RALGPS1: variants seen among roughly 807,000 people sequenced by gnomAD.
RALGPS1 encodes ras-specific guanine nucleotide-releasing factor RalGPS1.
Under a neutral mutation model 78.8 loss-of-function variants are expected in RALGPS1, and 19 were observed. The observed-to-expected ratio is 0.24, with a 90% CI of 0.17 to 0.35. RALGPS1 has a LOEUF of 0.35. RALGPS1 is among the 10% of genes least tolerant of loss of function. The pLI is 1.00. For missense variants in RALGPS1, 454 were observed against 688.3 expected (o/e 0.66, Z 3.81); for synonymous variants, 228 against 256.3 (o/e 0.89, Z 1.06).
intron 8 of RALGPS1, among the ~76,000 whole-genome samples, chr9:127,158,363 CT>C (rs1207945261): frequency 6.6e-6 from 1 of 152,024 alleles, no homozygotes; most frequent in East Asian, 1.9e-4. Flanking sequence ...TTTTTTGCCT[CT>C]TCTTCAGAGA....
At chr9:127,065,727 G>A (rs1283991028) in intron 7 of RALGPS1, among the ~76,000 whole-genome samples, 2 of 152,066 alleles carry the variant, frequency 1.3e-5, no homozygotes, top group East Asian at 1.9e-4. Flanking sequence ...GATCCAGTGT[G>A]CACCAGTTGT....
At chr9:127,080,626 T>C (rs569326415) in intron 8 of RALGPS1, among the ~76,000 whole-genome samples, 47 of 152,350 alleles carry the variant, frequency 3.1e-4, no homozygotes, top group African/African-American at 1.1e-3. Context: ...TTCTGGTAGC[T>C]CTTTGACACC....
At chr9:126,953,487 G>A (rs184803125) in intron 1 of RALGPS1, among the ~76,000 whole-genome samples, 1 of 152,118 alleles carries the variant, frequency 6.6e-6, no homozygotes, top group Non-Finnish European at 1.5e-5. Flanking sequence ...AACTGAAAAA[G>A]CTGGTGCTCT....
chr9:126,935,110 C>T (rs1290895295), intron 1 of RALGPS1, among the ~76,000 whole-genome samples: 1 of 152,240 alleles, frequency 6.6e-6, no homozygotes, highest in African/African-American at 2.4e-5. Context: ...CTCTCCCCAG[C>T]TCGCGGGAGC....
chr9:127,141,478 A>C (rs2057769345), intron 8 of RALGPS1, among the ~76,000 whole-genome samples: 1 of 152,126 alleles, frequency 6.6e-6, no homozygotes, highest in Admixed American at 6.6e-5. Context: ...GTCCATGCCA[A>C]CCAACAGCCT....
chr9:126,962,261 G>T lies in RALGPS1; in HGVS notation c.-29G>T, dbSNP rs2132133125. ...ACAGGTTATGTTACCTGCAGAGGCT[G>T]CCCTGAAGCTCCCTGTGGCCTGGAG... On this transcript the variant is annotated 5_prime_UTR_variant, in exon 2 of 19. Coordinates refer to ENST00000259351, the MANE Select transcript of RALGPS1 (RefSeq NM_014636.3). 1 of 1,613,534 alleles carries T rather than the reference G, an allele frequency of 6.2e-7. No homozygotes were observed. The highest frequency in any genetic ancestry group is 2.2e-5 in the East Asian group (1 of 44,834).
At chr9:127,018,857 C>CT (rs2045163213) in intron 4 of RALGPS1, among the ~76,000 whole-genome samples, 1 of 152,110 alleles carries the variant, frequency 6.6e-6, no homozygotes, top group African/African-American at 2.4e-5. Context: ...ATTTCTATGA[C>CT]TACGGCATCA....
intron 1 of RALGPS1, 56 bp from the exon 2 acceptor site, chr9:126,962,169 G>A (rs2038951539): frequency 1.1e-6 from 1 of 911,906 alleles, no homozygotes. Context: ...TTTTGCCTGG[G>A]GGTGGGGATA....
intron 8 of RALGPS1, among the ~76,000 whole-genome samples, chr9:127,105,316 A>T (rs947206132): frequency 1.3e-5 from 2 of 152,216 alleles, no homozygotes; most frequent in Admixed American, 1.3e-4. Context: ...GGGAGACAAA[A>T]GACGGGCGAG....
chr9:126,983,924 A>C (rs1003857564), intron 4 of RALGPS1, among the ~76,000 whole-genome samples: 2 of 151,888 alleles, frequency 1.3e-5, no homozygotes, highest in East Asian at 3.9e-4. Flanking sequence ...ACATTAGGAG[A>C]CACCCAGTTG....
At chr9:126,960,269 C>T (rs1158138459) in intron 1 of RALGPS1, among the ~76,000 whole-genome samples, 6 of 136,190 alleles carry the variant, frequency 4.4e-5, no homozygotes, top group African/African-American at 1.6e-4. Flanking sequence ...GAATCTTGCT[C>T]TATCACCAGG....
chr9:126,988,164 G>A (rs1372025281), intron 4 of RALGPS1, among the ~76,000 whole-genome samples: 1 of 152,172 alleles, frequency 6.6e-6, no homozygotes, highest in Non-Finnish European at 1.5e-5. Flanking sequence ...AGCAGAGGAG[G>A]TGGCAAGAAA....
intron 11 of RALGPS1, among the ~76,000 whole-genome samples, chr9:127,182,091 A>C (rs12555354): frequency 6.6e-6 from 1 of 150,726 alleles, no homozygotes; most frequent in Non-Finnish European, 1.5e-5. Flanking sequence ...TAATCCTGGA[A>C]CTTTGAGAGG....
intron 11 of RALGPS1, chr9:127,184,085 G>T: frequency 6.5e-7 from 1 of 1,532,198 alleles, no homozygotes; most frequent in Non-Finnish European, 8.8e-7. Context: ...CAGCACTTTG[G>T]GAAGCCGAAG....
At chr9:126,936,698 G>A (rs550627665) in intron 1 of RALGPS1, among the ~76,000 whole-genome samples, 3 of 152,174 alleles carry the variant, frequency 2.0e-5, no homozygotes, top group Admixed American at 2.0e-4. Context: ...CATTGCAAAA[G>A]AAAGCCATTT....
At chr9:127,031,530 C>T (rs1253904437) in intron 4 of RALGPS1, among the ~76,000 whole-genome samples, 2 of 152,226 alleles carry the variant, frequency 1.3e-5, no homozygotes, top group Admixed American at 1.3e-4. Context: ...CCCCGCATGT[C>T]ACCTCCCTTG....
intron 8 of RALGPS1, among the ~76,000 whole-genome samples, chr9:127,105,832 A>G (rs924808905): frequency 6.6e-6 from 1 of 152,220 alleles, no homozygotes; most frequent in African/African-American, 2.4e-5. Context: ...CAGGGACCAC[A>G]ATTGTCACCT....
intron 4 of RALGPS1, among the ~76,000 whole-genome samples, chr9:127,013,886 T>C (rs1014013247): frequency 4.6e-5 from 7 of 152,174 alleles, no homozygotes; most frequent in Non-Finnish European, 1.0e-4. Flanking sequence ...GGCATGCTAG[T>C]CCCCCCACTT....
At position 127,212,496 on chromosome 9, in the gene RALGPS1, GGGT is replaced by G. The variant is rs2062327143; in HGVS notation, c.1354-125_1354-123del. On this transcript the variant is annotated intron_variant, in intron 15 of 18. Transcript: ENST00000259351. The surrounding 1 kb of genome is among the most constrained non-coding windows in gnomAD (Gnocchi z 6.0). ...CTAGGTGGAAGTTGGCATTGCCAGG[GGGT>G]GGTGGAGGGCCAGGGAAGAGATGGG... is the stretch of plus-strand genomic sequence containing the variant. The G allele has an allele frequency of 2.3e-5, 16 of 688,256 alleles. No individual in the cohort carries two copies. The East Asian group carries it at 4.4e-4, about 19-fold the overall frequency. The allele number at this position is 688,256 out of a possible 1,614,324, so 42.6% of individuals were successfully genotyped here. A position where few individuals can be genotyped will look rare whatever the true frequency, so the allele number is the denominator to read the frequency against.
Sources: gnomAD v4.1 joint callset for allele counts (sites outside exome capture counted in the v4.1 genomes callset) on GRCh38, gnomAD v4.1.1 for gene constraint, Gnocchi (gnomAD v3.1) non-coding constraint, MANE v1.5 for transcripts, NCBI Gene and HGNC (gene_info 2026-07-23, HGNC 2026-07-21) for gene names.